The following TENT4B variants were observed in gnomAD, a reference collection of about 807,000 sequenced individuals.
The protein encoded by TENT4B is terminal nucleotidyltransferase 4B.
In TENT4B, 10 loss-of-function variants were observed where a neutral mutation model predicts 75.0. That is an observed-to-expected ratio of 0.13 (90% CI 0.08 to 0.23). TENT4B has a LOEUF of 0.23. TENT4B is among the 10% of genes least tolerant of loss of function. The probability of loss-of-function intolerance (pLI) is 1.00; values close to 1 mark genes in which losing one functional copy is unlikely to be tolerated. For synonymous variants in TENT4B, 350 were observed against 357.7 expected (o/e 0.98, Z 0.24); for missense variants, 579 against 893.8 (o/e 0.65, Z 4.49).
At chr16:50,154,341 G>A (rs2037846088) in intron 1 of TENT4B, 82 bp downstream of exon 1, 1 of 1,358,768 alleles carries the variant, frequency 7.4e-7, no homozygotes, top group Non-Finnish European at 9.4e-7. Context: ...GGGTTGTGAG[G>A]GTCTAGGAGC....
In TENT4B at chr16:50,153,763, GGCGGCGGCA is replaced by G; in HGVS notation, c.145_153del (p.Gly49_Ser51del). 9.1e-7 allele frequency: 1 copy of G among 1,094,692 alleles called. No homozygotes were observed. The highest frequency in any genetic ancestry group is 4.9e-5 in the Admixed American group (1 of 20,338). The allele number at this position is 1,094,692 out of a possible 1,614,324, so 67.8% of individuals were successfully genotyped here. A position where few individuals can be genotyped will look rare whatever the true frequency, so the allele number is the denominator to read the frequency against. On this transcript the variant is annotated inframe_deletion, in exon 1 of 12. Transcript: ENST00000561678. ...TCACAGCAGCGGCGGCGCGAGCGGCGGCGGCGGCAGCAGCAGCAGCAGCAGCACGGCCAC... is the reference window on the plus strand; with the variant it reads ...TCACAGCAGCGGCGGCGCGAGCGGCGGCAGCAGCAGCAGCAGCACGGCCAC...
rs2032333994 is a variant in TENT4B, at chr16:50,232,771, T to C, written c.*3443T>C. On this transcript the variant is annotated 3_prime_UTR_variant, in exon 12 of 12. Coordinates refer to ENST00000561678, the MANE Select transcript of TENT4B (RefSeq NM_001365324.3). ...GTGGTAGATGTTGCTGATACTTTTA[T>C]TGGTCATGACTACATCTCAGTTTTA... The C allele has an allele frequency of 1.0e-6, 1 of 985,236 alleles. No individual in the cohort carries two copies. Among genetic ancestry groups the C allele is most frequent in the Admixed American group, 6.1e-5 (1 of 16,262 alleles). The allele number at this position is 985,236 out of a possible 1,614,324, so 61.0% of individuals were successfully genotyped here.
intron 1 of TENT4B, among the ~76,000 whole-genome samples, chr16:50,204,056 G>GT (rs1166923972): frequency 6.6e-6 from 1 of 152,188 alleles, no homozygotes; most frequent in Non-Finnish European, 1.5e-5. Flanking sequence ...TGGGGCTGTC[G>GT]TAGAAGAGGG....
intron 1 of TENT4B, among the ~76,000 whole-genome samples, chr16:50,209,452 TTC>T (rs1327249405): frequency 2.0e-5 from 3 of 152,102 alleles, no homozygotes. Flanking sequence ...AAAACAAAAC[TTC>T]GAAACGGAAG....
intron 5 of TENT4B, among the ~76,000 whole-genome samples, chr16:50,219,198 A>G (rs1189120360): frequency 6.6e-6 from 1 of 152,234 alleles, no homozygotes; most frequent in African/African-American, 2.4e-5. Flanking sequence ...GAGACAGTGT[A>G]AAGTGAGTCA....
intron 1 of TENT4B, among the ~76,000 whole-genome samples, chr16:50,176,304 C>T (rs1428452613): frequency 6.6e-6 from 1 of 151,654 alleles, no homozygotes; most frequent in Non-Finnish European, 1.5e-5. Context: ...AGCCTGGTCT[C>T]AAACTCCTGA....
intron 1 of TENT4B, among the ~76,000 whole-genome samples, chr16:50,189,008 T>A (rs1257848045): frequency 1.3e-5 from 2 of 152,338 alleles, no homozygotes; most frequent in African/African-American, 2.4e-5. Context: ...TGCCTCTGCT[T>A]CCCTGCGTGG....
rs1256096133 is a variant in TENT4B, at chr16:50,229,283, G to A, written c.2097G>A (p.Lys699=). 2.5e-6 allele frequency: 4 copies of A among 1,613,882 alleles called. No homozygotes were observed. The highest frequency in any genetic ancestry group is 3.3e-5 in the Admixed American group (2 of 59,994). The change falls in exon 12 of 12, where the codon AAG becomes AAA. Residue 699 remains lysine, a synonymous_variant. Transcript: ENST00000561678. ...ATAATCAGTATTACCATGGCAAAAA[G>A]AGGAAACACAAGAGGGACGCGCCCC... ...KSNNQYYHGK[K]RKHKRDAPLS... is the part of the protein sequence containing the mutation.
chr16:50,155,972 T>C (rs2037890924), intron 1 of TENT4B, among the ~76,000 whole-genome samples: 1 of 152,150 alleles, frequency 6.6e-6, no homozygotes, highest in African/African-American at 2.4e-5. Flanking sequence ...AATTAGAAAT[T>C]GTCCTCTCCT....
intron 1 of TENT4B, among the ~76,000 whole-genome samples, chr16:50,187,395 C>G (rs1187459798): frequency 2.6e-5 from 4 of 152,274 alleles, no homozygotes; most frequent in East Asian, 3.9e-4. Context: ...CCAGCCTGGC[C>G]AACATGCCGA....
chr16:50,192,985 G>A (rs1171394680), intron 1 of TENT4B, among the ~76,000 whole-genome samples: 1 of 152,178 alleles, frequency 6.6e-6, no homozygotes, highest in African/African-American at 2.4e-5. Context: ...GAGGTAGGAG[G>A]ATTGCCTGAA....
intron 1 of TENT4B, 60 bp downstream of exon 1, chr16:50,154,319 G>A: frequency 1.4e-6 from 2 of 1,381,398 alleles, no homozygotes; most frequent in East Asian, 2.9e-5. Context: ...CCGGGCACAC[G>A]CCCACAGAGG....
Position 50,232,185 on chromosome 16 carries a change from C to T in TENT4B, c.*2857C>T, listed in dbSNP as rs947789794. On this transcript the variant is annotated 3_prime_UTR_variant, in exon 12 of 12. Transcript: ENST00000561678. ...TGATAAAAGTATATCCATTTTTTCC[C>T]TCCAGCTTTAAGGTGACTGTGAAGG... 8.4e-5 allele frequency: 83 copies of T among 985,144 alleles called. No individual in the cohort carries two copies. The highest frequency in any genetic ancestry group is 2.3e-4 in the South Asian group (5 of 21,292). The allele number at this position is 985,144 out of a possible 1,614,324, so 61.0% of individuals were successfully genotyped here.
At chr16:50,171,415 A>G (rs973025792) in intron 1 of TENT4B, among the ~76,000 whole-genome samples, 1 of 152,036 alleles carries the variant, frequency 6.6e-6, no homozygotes, top group Admixed American at 6.6e-5. Flanking sequence ...GTGGTGGGGA[A>G]AGTGGATTAG....
intron 1 of TENT4B, among the ~76,000 whole-genome samples, chr16:50,207,326 C>G (rs533238237): frequency 1.3e-5 from 2 of 151,950 alleles, no homozygotes; most frequent in Non-Finnish European, 2.9e-5. Context: ...GGATTACAGG[C>G]GTGCACCATC....
Position 50,225,084 on chromosome 16 carries a change from T to C in TENT4B, c.1613-14T>C, listed in dbSNP as rs766336454. The C allele has an allele frequency of 8.7e-6, 14 of 1,609,550 alleles. 1 individual carries two copies. In the South Asian group the frequency reaches 1.5e-4, roughly 18 times the overall value. ...TGGGAAGAAACGTTTTCCAATCTTT[T>C]GCCACTCTTTCAGGAAATGGTGTTA... On this transcript the variant is annotated splice_polypyrimidine_tract_variant and intron_variant, in intron 9 of 11. Coordinates refer to ENST00000561678, the MANE Select transcript of TENT4B (RefSeq NM_001365324.3).
chr16:50,232,998 C>T lies in TENT4B; in HGVS notation c.*3670C>T. The stretch of plus-strand genomic sequence containing the variant: ...AAATTAATGAACAGAAGAATTTATT[C>T]TTACCCATCTATTCTTGTTCTCCTA... On this transcript the variant is annotated 3_prime_UTR_variant, in exon 12 of 12. Transcript: ENST00000561678. 3.0e-6 allele frequency: 3 copies of T among 983,936 alleles called. No individual in the cohort carries two copies. Among genetic ancestry groups the T allele is most frequent in the Non-Finnish European group, 3.6e-6 (3 of 828,598 alleles). The allele number at this position is 983,936 out of a possible 1,614,324, so 61.0% of individuals were successfully genotyped here.
chr16:50,163,010 A>G (rs1597220682), intron 1 of TENT4B, among the ~76,000 whole-genome samples: 1 of 152,182 alleles, frequency 6.6e-6, no homozygotes, highest in Non-Finnish European at 1.5e-5. Context: ...TTGATCTTCA[A>G]ATCTATCCTA....
At chr16:50,213,861 A>G (rs2031413696) in intron 2 of TENT4B, among the ~76,000 whole-genome samples, 1 of 152,240 alleles carries the variant, frequency 6.6e-6, no homozygotes, top group Non-Finnish European at 1.5e-5. Context: ...TGTAAAGTAC[A>G]TGGGAGGACT....
Sources: gnomAD v4.1 joint callset for allele counts (sites outside exome capture counted in the v4.1 genomes callset) on GRCh38, gnomAD v4.1.1 for gene constraint, MANE v1.5 for transcripts, NCBI Gene and HGNC (gene_info 2026-07-23, HGNC 2026-07-21) for gene names.